Variants in CDH8 observed in about 807,000 individuals in gnomAD.
The protein encoded by CDH8 is cadherin-8.
A neutral mutation model predicts 68.1 loss-of-function variants in CDH8; 17 were observed. The ratio of observed to expected loss-of-function variants is 0.25; its 90% CI spans 0.17 to 0.37. The LOEUF is 0.37. CDH8 is among the 10% of genes least tolerant of loss of function. The probability of loss-of-function intolerance (pLI) is 1.00; values close to 1 mark genes in which losing one functional copy is unlikely to be tolerated. For synonymous variants in CDH8, 372 were observed against 365.1 expected, an observed-to-expected ratio of 1.02 and a Z score of -0.21; for missense variants, 763 against 999.3, an observed-to-expected ratio of 0.76 and a Z score of 3.19.
At chr16:61,886,480 A>T (rs1342851056) in intron 3 of CDH8, among the ~76,000 whole-genome samples, 3 of 152,168 alleles carry the variant, frequency 2.0e-5, no homozygotes, top group African/African-American at 7.2e-5. Flanking sequence ...TTCTCAGGAA[A>T]TGTTTGTTTT....
chr16:61,977,449 G>A (rs1291027050), intron 2 of CDH8, among the ~76,000 whole-genome samples: 1 of 152,108 alleles, frequency 6.6e-6, no homozygotes, highest in Non-Finnish European at 1.5e-5. Flanking sequence ...TTCTCCCCAT[G>A]ATTTGTGTGG....
At chr16:61,821,155 A>C (rs754549897) in intron 5 of CDH8, 42 bp from the exon 6 acceptor site, 2 of 1,501,488 alleles carry the variant, frequency 1.3e-6, no homozygotes, top group Non-Finnish European at 1.8e-6. Flanking sequence ...ACAAATTCCA[A>C]CCATTCATTC....
At chr16:61,863,084 C>T (rs1963182184) in intron 3 of CDH8, among the ~76,000 whole-genome samples, 1 of 152,138 alleles carries the variant, frequency 6.6e-6, no homozygotes, top group African/African-American at 2.4e-5. Context: ...CAAAAATGAT[C>T]CCTGTCACCA....
At chr16:61,781,897 A>G (rs1258567980) in intron 8 of CDH8, among the ~76,000 whole-genome samples, 3 of 152,316 alleles carry the variant, frequency 2.0e-5, no homozygotes, top group Non-Finnish European at 4.4e-5. Context: ...TGTTACAAGG[A>G]GAAACTGCCG....
intron 8 of CDH8, among the ~76,000 whole-genome samples, chr16:61,736,388 T>C (rs1959687274): frequency 6.6e-6 from 1 of 152,186 alleles, no homozygotes. Context: ...TGGCAAGCCG[T>C]TGAACTATTT....
At chr16:61,734,394 C>G (rs1173352888) in intron 8 of CDH8, among the ~76,000 whole-genome samples, 1 of 152,076 alleles carries the variant, frequency 6.6e-6, no homozygotes, top group Non-Finnish European at 1.5e-5. Context: ...GAGCATGGGT[C>G]TCTAGCTCCA....
At chr16:61,691,829 T>C (rs1964229554) in intron 10 of CDH8, 1 of 152,158 alleles carries the variant, frequency 6.6e-6, no homozygotes, top group South Asian at 2.1e-4. Context: ...TTTATGTATT[T>C]AACCATTCCA....
At chr16:61,789,309 T>A (rs368189470) in intron 8 of CDH8, 37 bp downstream of exon 8, 43 of 1,587,464 alleles carry the variant, frequency 2.7e-5, no homozygotes, top group Non-Finnish European at 2.9e-5. Flanking sequence ...TTGAACTCAG[T>A]CACACAAGGA....
intron 4 of CDH8, among the ~76,000 whole-genome samples, chr16:61,851,072 C>G (rs1200303957): frequency 6.6e-6 from 1 of 152,040 alleles, no homozygotes; most frequent in Non-Finnish European, 1.5e-5. Flanking sequence ...TTTAGCCAGT[C>G]CTCTTGGCAC....
chr16:61,953,030 C>T (rs145438210), intron 2 of CDH8, among the ~76,000 whole-genome samples: 49 of 152,154 alleles, frequency 3.2e-4, no homozygotes, highest in Non-Finnish European at 5.7e-4. Context: ...GATTAGGTAA[C>T]GTGGGCTGAC....
At chr16:61,808,598 T>C (rs1393564905) in intron 7 of CDH8, among the ~76,000 whole-genome samples, 6 of 152,168 alleles carry the variant, frequency 3.9e-5, no homozygotes, top group Non-Finnish European at 8.8e-5. Flanking sequence ...ACAATTCTCA[T>C]TGCAGGTAGC....
intron 10 of CDH8, among the ~76,000 whole-genome samples, chr16:61,712,116 CATA>C (rs1567435533): frequency 6.6e-6 from 1 of 151,620 alleles, no homozygotes; most frequent in Non-Finnish European, 1.5e-5. Context: ...CAGGGTTTAT[CATA>C]ATGTGTGATG....
rs1964037036 is a variant in CDH8 at position 61,904,863 on chromosome 16, A to T, written c.253-3390T>A. On this transcript the variant is annotated intron_variant, in intron 2 of 11. Transcript: ENST00000577390. ...AGGGTGTTATACCTTGTTCACATAA[A>T]GGCAACAACACTGCCCTGTCAACAT... Among the ~76,000 whole-genome samples the T allele has an allele frequency of 2.0e-5, 3 of 152,322 alleles. No individual in the cohort carries two copies. The South Asian group carries it at 6.2e-4, about 32-fold the overall frequency.
chr16:61,713,680 G>A (rs1042988161), intron 10 of CDH8, among the ~76,000 whole-genome samples, 161 bp downstream of exon 10: 2 of 151,444 alleles, frequency 1.3e-5, no homozygotes, highest in Non-Finnish European at 3.0e-5. Context: ...ATTGAAAATA[G>A]GAAGTAAGGT....
In CDH8 at chr16:61,649,673, A is replaced by G. The variant is rs1030656434; in HGVS notation, c.*3935T>C. ...GATGGAACTTTCAATCAAAAAGGCA[A>G]TCAGAAGGTTATACATTCGTGAGAT... On this transcript the variant is annotated 3_prime_UTR_variant, in exon 12 of 12. Transcript: ENST00000577390. The G allele has an allele frequency of 6.6e-6, 1 of 152,014 alleles. No homozygotes were observed. Among genetic ancestry groups the G allele is most frequent in the Non-Finnish European group, 1.5e-5 (1 of 68,018 alleles). 9.4% of individuals were successfully genotyped at this position (152,014 alleles called of 1,614,324 possible). A position where few individuals can be genotyped will look rare whatever the true frequency, so the allele number is the denominator to read the frequency against.
chr16:61,921,633 TA>T (rs1417724116), intron 2 of CDH8, among the ~76,000 whole-genome samples: 1 of 152,180 alleles, frequency 6.6e-6, no homozygotes, highest in Non-Finnish European at 1.5e-5. Context: ...CATAGCTCAG[TA>T]AACCAGTATT....
Position 61,648,516 on chromosome 16 carries a change from A to G in CDH8, c.*5092T>C, listed in dbSNP as rs950620643. On this transcript the variant is annotated 3_prime_UTR_variant, in exon 12 of 12. Coordinates refer to ENST00000577390, the MANE Select transcript of CDH8 (RefSeq NM_001796.5). Reference sequence around the variant, plus strand: ...TCTATTTCTTATCATCAAAAGTCTCATAATTACAGAGATAACTGTTTAGTT... The same window carrying G: ...TCTATTTCTTATCATCAAAAGTCTCGTAATTACAGAGATAACTGTTTAGTT... 2.0e-5 allele frequency: 3 copies of G among 151,866 alleles called. No individual in the cohort carries two copies. The highest frequency in any genetic ancestry group is 7.2e-5 in the African/African-American group (3 of 41,398). 9.4% of individuals were successfully genotyped at this position (151,866 alleles called of 1,614,324 possible).
At chr16:62,033,230 T>A (rs2150624665) in intron 1 of CDH8, among the ~76,000 whole-genome samples, 1 of 152,286 alleles carries the variant, frequency 6.6e-6, no homozygotes, top group Admixed American at 6.5e-5. Context: ...GCTACTTAAA[T>A]TGTGTTCAGT....
intron 2 of CDH8, among the ~76,000 whole-genome samples, chr16:61,922,848 T>C (rs1208687222): frequency 6.6e-6 from 1 of 152,204 alleles, no homozygotes; most frequent in Non-Finnish European, 1.5e-5. Context: ...TTATGCAATT[T>C]TGGAGTGGGG....
Sources: allele counts gnomAD v4.1 joint callset (sites outside exome capture counted in the v4.1 genomes callset), GRCh38; gene constraint gnomAD v4.1.1; transcripts MANE v1.5; gene names NCBI Gene and HGNC (gene_info 2026-07-23, HGNC 2026-07-21).